The following ASPH variants were observed in gnomAD, a reference collection of about 807,000 sequenced individuals.
The protein encoded by ASPH is aspartate beta-hydroxylase.
ASPH carries 100 observed loss-of-function variants against 118.4 expected under a neutral mutation model. That is an observed-to-expected ratio of 0.84 (90% CI 0.72 to 1.00). ASPH has a LOEUF of 1.00. Among genes scored for constraint, ASPH ranks in the 50% least tolerant of loss-of-function variants. ASPH has a pLI of 0.00. For missense variants in ASPH, 920 were observed against 919.5 expected (o/e 1.00, Z -0.01); for synonymous variants, 315 against 325.6 (o/e 0.97, Z 0.35).
chr8:61,610,709 G>A (rs1298618062), intron 14 of ASPH, among the ~76,000 whole-genome samples: 1 of 152,164 alleles, frequency 6.6e-6, no homozygotes, highest in Non-Finnish European at 1.5e-5. Flanking sequence ...CAACAACATG[G>A]AAAAATTACT....
rs73685087 is a variant in ASPH at position 61,568,442 on chromosome 8, G to A, written c.1150-1124C>T. Among the ~76,000 whole-genome samples, 1,349 of 152,292 alleles carry A rather than the reference G, an allele frequency of 8.9e-3. 15 individuals carry two copies. Among genetic ancestry groups the A allele is most frequent in the African/African-American group, 0.03 (1,256 of 41,554 alleles). On this transcript the variant is annotated intron_variant, in intron 16 of 24. Transcript: ENST00000379454. ...GGCTTCAGTGATTACTGGATGAACC[G>A]TCATTCCTTGAGAATGGGAAGAAAG...
At chr8:61,698,358 G>A (rs528548501) in intron 1 of ASPH, among the ~76,000 whole-genome samples, 3 of 152,314 alleles carry the variant, frequency 2.0e-5, no homozygotes, top group South Asian at 4.2e-4. Context: ...TATTCATTTA[G>A]TTACGTTACG....
At chr8:61,645,171 TA>T (rs1463683128) in intron 6 of ASPH, among the ~76,000 whole-genome samples, 2 of 152,198 alleles carry the variant, frequency 1.3e-5, no homozygotes, top group Non-Finnish European at 2.9e-5. Flanking sequence ...AATGCATATA[TA>T]AAGAATAAAT....
chr8:61,512,539 AC>A (rs1809300370), intron 24 of ASPH, among the ~76,000 whole-genome samples: 2 of 152,160 alleles, frequency 1.3e-5, no homozygotes, highest in Non-Finnish European at 2.9e-5. Flanking sequence ...CTAATTTTAT[AC>A]TTTGGCCTCC....
At chr8:61,704,226 A>G (rs945411661) in intron 1 of ASPH, among the ~76,000 whole-genome samples, 1 of 135,648 alleles carries the variant, frequency 7.4e-6, no homozygotes, top group South Asian at 2.4e-4. Context: ...AAAAAAAAAA[A>G]AAAAAAACAG....
At chr8:61,557,583 T>C (rs80175435) in intron 18 of ASPH, among the ~76,000 whole-genome samples, 5,503 of 152,314 alleles carry the variant, frequency 0.036, 152 homozygotes, top group Non-Finnish European at 0.055. Context: ...CTTTTCTTCA[T>C]AGCACTTATC....
chr8:61,529,474 A>C (rs1003354909), intron 21 of ASPH, among the ~76,000 whole-genome samples: 2 of 152,196 alleles, frequency 1.3e-5, no homozygotes, highest in African/African-American at 4.8e-5. Flanking sequence ...ACCTGATGAC[A>C]TGTGTTTGAA....
intron 1 of ASPH, among the ~76,000 whole-genome samples, chr8:61,701,574 T>C (rs1044247709): frequency 2.0e-5 from 3 of 152,246 alleles, no homozygotes; most frequent in Admixed American, 2.0e-4. Flanking sequence ...AACATTGGGC[T>C]ATGTTTGGAT....
chr8:61,684,297 T>C (rs1829543617), intron 1 of ASPH, 109 bp from the exon 2 acceptor site: 9 of 1,156,622 alleles, frequency 7.8e-6, no homozygotes, highest in African/African-American at 1.5e-5. Flanking sequence ...GATAGATCAT[T>C]TCAAAAACAG....
At chr8:61,682,308 T>C in intron 2 of ASPH, 2 of 917,642 alleles carry the variant, frequency 2.2e-6, no homozygotes, top group Non-Finnish European at 3.3e-6. Flanking sequence ...CTACCCTTTC[T>C]GACAAACCCA....
At chr8:61,682,399 G>C in intron 2 of ASPH, 1 of 1,581,484 alleles carries the variant, frequency 6.3e-7, no homozygotes, top group South Asian at 1.1e-5. Context: ...CCATTAGAGA[G>C]TAACACACGT....
chr8:61,651,018 AC>A (rs1194758771), intron 5 of ASPH, 31 bp downstream of exon 5: 2 of 1,572,180 alleles, frequency 1.3e-6, no homozygotes, highest in African/African-American at 1.4e-5. Context: ...TATTTTAGTA[AC>A]TCAAAACAAA....
At chr8:61,609,536 G>A (rs1287665517) in intron 14 of ASPH, among the ~76,000 whole-genome samples, 1 of 152,194 alleles carries the variant, frequency 6.6e-6, no homozygotes, top group Non-Finnish European at 1.5e-5. Flanking sequence ...AGGCATGACT[G>A]ACATTCATAG....
At chr8:61,706,604 T>C (rs57074517) in intron 1 of ASPH, among the ~76,000 whole-genome samples, 4,044 of 152,204 alleles carry the variant, frequency 0.027, 160 homozygotes, top group East Asian at 0.19. Flanking sequence ...ATAGATTCAA[T>C]ACAATGCCAG....
intron 10 of ASPH, among the ~76,000 whole-genome samples, chr8:61,640,169 C>T (rs538817316): frequency 6.6e-6 from 1 of 152,270 alleles, no homozygotes; most frequent in South Asian, 2.1e-4. Flanking sequence ...ACTGAACATC[C>T]CTTTCTTGAA....
chr8:61,505,745 G>T (rs542018511), intron 24 of ASPH, among the ~76,000 whole-genome samples: 3 of 152,250 alleles, frequency 2.0e-5, no homozygotes, highest in Admixed American at 2.0e-4. Flanking sequence ...ATCAAGGGTA[G>T]CAAAAGACAG....
intron 1 of ASPH, among the ~76,000 whole-genome samples, chr8:61,710,502 T>C (rs1459922490): frequency 1.3e-5 from 2 of 152,230 alleles, no homozygotes; most frequent in Admixed American, 1.3e-4. Context: ...GTCCAAAATA[T>C]AGAACTTTCA....
chr8:61,678,015 C>T (rs1826200740), intron 3 of ASPH, among the ~76,000 whole-genome samples: 2 of 152,224 alleles, frequency 1.3e-5, no homozygotes, highest in African/African-American at 2.4e-5. Context: ...TCCTTCTGAA[C>T]CTCTAAGAAC....
chr8:61,689,191 T>C (rs1263177058), intron 1 of ASPH, among the ~76,000 whole-genome samples: 5 of 152,310 alleles, frequency 3.3e-5, no homozygotes, highest in Non-Finnish European at 7.4e-5. Context: ...AAAACCCTTG[T>C]GTTTTTTCTT....
Sources: allele counts gnomAD v4.1 joint callset (sites outside exome capture counted in the v4.1 genomes callset), GRCh38; gene constraint gnomAD v4.1.1; transcripts MANE v1.5; gene names NCBI Gene and HGNC (gene_info 2026-07-23, HGNC 2026-07-21).